The following GALM variants were observed in gnomAD, a reference collection of about 807,000 sequenced individuals.
GALM encodes the protein galactose mutarotase.
GALM carries 43 observed loss-of-function variants against 37.4 expected under a neutral mutation model. The ratio of observed to expected loss-of-function variants is 1.15; its 90% CI spans 0.90 to 1.48. The LOEUF is 1.48. GALM is among the 40% of genes most tolerant of loss of function. GALM has a pLI of 0.00. For synonymous variants in GALM, 199 were observed against 170.6 expected (o/e 1.17, Z -1.30); for missense variants, 456 against 419.1 (o/e 1.09, Z -0.77).
At position 38,718,618 on chromosome 2, in the gene GALM, A is replaced by C. The variant is rs377532964; in HGVS notation, c.635-10938A>C. Among the ~76,000 whole-genome samples the C allele has an allele frequency of 2.6e-4, 40 of 152,016 alleles. 2 individuals carry two copies. The highest frequency in any genetic ancestry group is 9.2e-4 in the African/African-American group (38 of 41,464). On this transcript the variant is annotated intron_variant, in intron 4 of 6. Coordinates refer to ENST00000272252, the MANE Select transcript of GALM (RefSeq NM_138801.3). ...CTTTCTTTTTTCTTTTCTCCCTTAA[A>C]ATAATTTTTAATTGTTATTATAAAC...
chr2:38,724,721 C>T (rs1421018064), intron 4 of GALM, among the ~76,000 whole-genome samples: 2 of 152,094 alleles, frequency 1.3e-5, no homozygotes, highest in Admixed American at 1.3e-4. Flanking sequence ...AAAGTCTTAC[C>T]CTCTGTGCCC....
At chr2:38,689,998 C>T (rs1453596118) in intron 4 of GALM, 104 bp downstream of exon 4, 1 of 654,514 alleles carries the variant, frequency 1.5e-6, no homozygotes, top group African/African-American at 1.8e-5. Flanking sequence ...ATAAAGTCTA[C>T]AGTTTAGTTA....
At chr2:38,672,844 T>TAAA (rs201693779) in intron 1 of GALM, among the ~76,000 whole-genome samples, 116 of 142,892 alleles carry the variant, frequency 8.1e-4, no homozygotes, top group African/African-American at 2.9e-3. Flanking sequence ...CCATCTCTAT[T>TAAA]AAAAAAAAAA....
chr2:38,689,975 C>A (rs568968874), intron 4 of GALM, 81 bp downstream of exon 4: 92 of 753,998 alleles, frequency 1.2e-4, no homozygotes, highest in African/African-American at 1.1e-3. Flanking sequence ...GTGGAGAAAG[C>A]GGTGAAATCT....
intron 4 of GALM, among the ~76,000 whole-genome samples, chr2:38,692,556 T>C (rs1429028967): frequency 6.6e-6 from 1 of 152,200 alleles, no homozygotes; most frequent in Non-Finnish European, 1.5e-5. Context: ...GGTCCTCATC[T>C]GACTCTTAAC....
Position 38,675,905 on chromosome 2 carries a change from C to T in GALM, c.191-7C>T. The T allele has an allele frequency of 1.9e-6, 3 of 1,613,872 alleles. No individual in the cohort carries two copies. The highest frequency in any genetic ancestry group is 1.7e-6 in the Non-Finnish European group (2 of 1,179,920). Reference sequence around the variant, plus strand: ...TTTAAAAGTGCTGTCATCCCTTGTCCTTGCAGGATACCTCCAAAAGCAGCC... The same window carrying T: ...TTTAAAAGTGCTGTCATCCCTTGTCTTTGCAGGATACCTCCAAAAGCAGCC... On this transcript the variant is annotated splice_polypyrimidine_tract_variant and splice_region_variant and intron_variant, in intron 1 of 6. Coordinates refer to ENST00000272252, the MANE Select transcript of GALM (RefSeq NM_138801.3).
At chr2:38,673,734 T>C (rs906181522) in intron 1 of GALM, among the ~76,000 whole-genome samples, 2 of 144,874 alleles carry the variant, frequency 1.4e-5, no homozygotes, top group Non-Finnish European at 1.5e-5. Context: ...GGCGTGAACC[T>C]GGGAGGCGGA....
chr2:38,666,201 T>C lies in GALM; in HGVS notation c.40T>C (p.Ser14Pro). 1 of 1,613,868 alleles carries C rather than the reference T, an allele frequency of 6.2e-7. No homozygotes were observed. Among genetic ancestry groups the C allele is most frequent in the Non-Finnish European group, 8.5e-7 (1 of 1,179,888 alleles). The change falls in exon 1 of 7, where the codon TCG (serine) becomes CCG (proline). Residue 14 changes from serine to proline, a missense_variant. Coordinates refer to ENST00000272252, the MANE Select transcript of GALM (RefSeq NM_138801.3). Reference sequence around the variant, plus strand: ...CAGGGCCGTGTTTGGAGAGCTGCCCTCGGGAGGAGGGACAGTGGAGAAGTT... The same window carrying C: ...CAGGGCCGTGTTTGGAGAGCTGCCCCCGGGAGGAGGGACAGTGGAGAAGTT... ...VTRAVFGELP[S>P]GGGTVEKFQL...
intron 2 of GALM, among the ~76,000 whole-genome samples, chr2:38,680,337 A>T (rs963764717): frequency 6.6e-6 from 1 of 152,166 alleles, no homozygotes; most frequent in African/African-American, 2.4e-5. Context: ...AAAAAACTTT[A>T]AAAATAAACT....
At chr2:38,730,037 C>T (rs1572547246) in intron 5 of GALM, among the ~76,000 whole-genome samples, 1 of 152,296 alleles carries the variant, frequency 6.6e-6, no homozygotes, top group African/African-American at 2.4e-5. Context: ...CTTTCTCGAT[C>T]TGTGACTTAT....
At chr2:38,669,470 G>C (rs1262347116) in intron 1 of GALM, 1 of 152,268 alleles carries the variant, frequency 6.6e-6, no homozygotes, top group Non-Finnish European at 1.5e-5. Context: ...CGGCTTTTGA[G>C]ACGCAAGTCT....
In GALM at chr2:38,696,549, C is replaced by T. The variant is rs143484535; in HGVS notation, c.634+6655C>T. ...GGGGCTCAAGCAATCCTCCTGGCTC[C>T]GCCTTCCAAATAGCTAGGATTACAG... On this transcript the variant is annotated intron_variant, in intron 4 of 6. Transcript: ENST00000272252. 2.5e-3 allele frequency among the ~76,000 whole-genome samples: 381 copies of T among 151,680 alleles called. 2 individuals carry two copies. The highest frequency in any genetic ancestry group is 0.02 in the Admixed American group (301 of 15,212).
chr2:38,698,756 G>A (rs1431011222), intron 4 of GALM, among the ~76,000 whole-genome samples: 5 of 152,128 alleles, frequency 3.3e-5, no homozygotes, highest in Non-Finnish European at 7.4e-5. Context: ...TCCCTGTGCT[G>A]CTTTGTCAGA....
intron 1 of GALM, chr2:38,669,399 C>T (rs1665030340): frequency 6.6e-6 from 1 of 152,288 alleles, no homozygotes; most frequent in South Asian, 2.1e-4. Context: ...GACCCTCTCA[C>T]GCAGACCCCC....
chr2:38,700,119 T>A (rs1441949339), intron 4 of GALM, among the ~76,000 whole-genome samples: 2 of 152,074 alleles, frequency 1.3e-5, no homozygotes, highest in African/African-American at 4.8e-5. Flanking sequence ...ACCCAGCTAA[T>A]TTTTGTATTT....
At chr2:38,677,030 C>A (rs1665275684) in intron 2 of GALM, among the ~76,000 whole-genome samples, 1 of 152,238 alleles carries the variant, frequency 6.6e-6, no homozygotes, top group Admixed American at 6.5e-5. Flanking sequence ...CTCCTCTCCA[C>A]ATGAAAACGA....
At chr2:38,675,529 T>TG (rs1325570784) in intron 1 of GALM, among the ~76,000 whole-genome samples, 12 of 76,912 alleles carry the variant, frequency 1.6e-4, no homozygotes, top group African/African-American at 7.5e-4. Context: ...TTTTTTTGTT[T>TG]TTTTTTTTTT....
At position 38,681,279 on chromosome 2, in the gene GALM, G is replaced by A; in HGVS notation, c.346-1G>A. On this transcript the variant is annotated splice_acceptor_variant, in intron 2 of 6. Coordinates refer to ENST00000272252, the MANE Select transcript of GALM (RefSeq NM_138801.3). LOFTEE classifies it high-confidence loss of function. Reference sequence around the variant, plus strand: ...ACAACTTTGAAAACACTTTTTTCCAGGTGCTCTGGACCCCTCGGGTGCTGT... The same window carrying A: ...ACAACTTTGAAAACACTTTTTTCCAAGTGCTCTGGACCCCTCGGGTGCTGT... 7.4e-6 allele frequency: 12 copies of A among 1,612,462 alleles called. No individual in the cohort carries two copies. Among genetic ancestry groups the A allele is most frequent in the South Asian group, 3.3e-5 (3 of 90,976 alleles).
chr2:38,675,533 TTTTTTTTTTTTGTGTGTGTGTGTGTGTG>T (rs1558577584), intron 1 of GALM, among the ~76,000 whole-genome samples: 5 of 89,578 alleles, frequency 5.6e-5, no homozygotes, highest in African/African-American at 3.2e-4. Context: ...TTTGTTTTTT[TTTTTTTTTTTTGTGTGTGTGTGTGTGTG>T]TGTGTGTGTG....
Sources: gnomAD v4.1 joint callset for allele counts (sites outside exome capture counted in the v4.1 genomes callset) on GRCh38, gnomAD v4.1.1 for gene constraint, MANE v1.5 for transcripts, NCBI Gene and HGNC (gene_info 2026-07-23, HGNC 2026-07-21) for gene names.